Variants in NHERF2 observed in about 807,000 individuals in gnomAD.
The protein encoded by NHERF2 is Na(+)/H(+) exchange regulatory cofactor NHE-RF2.
chr16:2,036,315 G>A, the NHERF2 span: 1 of 1,602,332 alleles, frequency 6.2e-7, no homozygotes, highest in Non-Finnish European at 8.5e-7. Flanking sequence ...CTGTCCGTTG[G>A]GCCTGCAGGA....
At chr16:2,037,067 T>A in the NHERF2 span, 3 of 1,517,586 alleles carry the variant, frequency 2.0e-6, no homozygotes. Flanking sequence ...AGAGGCCCCC[T>A]TCTCCCTGGA....
At chr16:2,030,479 C>T in the NHERF2 span, among the ~76,000 whole-genome samples, 27 of 152,276 alleles carry the variant, frequency 1.8e-4, no homozygotes, top group Admixed American at 5.9e-4. Flanking sequence ...AGTACAGGGG[C>T]GGCCTGCTCC....
At chr16:2,036,773 G>A in the NHERF2 span, 1 of 1,613,394 alleles carries the variant, frequency 6.2e-7, no homozygotes, top group Non-Finnish European at 8.5e-7. Flanking sequence ...TGAGGTGGTG[G>A]CCAGCATCAA....
At chr16:2,037,770 CTG>C in the NHERF2 span, 1 of 1,551,788 alleles carries the variant, frequency 6.4e-7, no homozygotes, top group Non-Finnish European at 8.7e-7. Context: ...GGGCCACCGT[CTG>C]GGGTGTGGGA....
the NHERF2 span, chr16:2,029,922 A>T: frequency 9.5e-6 from 7 of 734,232 alleles, no homozygotes; most frequent in Admixed American, 1.7e-4. Context: ...TGCCCCAGGG[A>T]CCATCTTGTT....
the NHERF2 span, among the ~76,000 whole-genome samples, chr16:2,033,686 A>T: frequency 6.6e-6 from 1 of 152,072 alleles, no homozygotes; most frequent in Non-Finnish European, 1.5e-5. Flanking sequence ...GGCCGCCGGC[A>T]GGGAGGGAGC....
chr16:2,026,956 C>T, the NHERF2 span: 1 of 821,658 alleles, frequency 1.2e-6, no homozygotes, highest in Non-Finnish European at 1.5e-6. Context: ...CCGCCGCCCC[C>T]GAGCTCCCCC....
At chr16:2,033,225 C>A in the NHERF2 span, 1 of 1,503,156 alleles carries the variant, frequency 6.7e-7, no homozygotes, top group Non-Finnish European at 8.9e-7. Context: ...CCCCCACGTC[C>A]CCACCCATCC....
the NHERF2 span, among the ~76,000 whole-genome samples, chr16:2,034,134 G>T: frequency 6.6e-6 from 1 of 152,196 alleles, no homozygotes; most frequent in Non-Finnish European, 1.5e-5. Flanking sequence ...CTGTGCAGGC[G>T]TGGGAAGGGC....
At chr16:2,038,493 C>T in the NHERF2 span, 1 of 380,500 alleles carries the variant, frequency 2.6e-6, no homozygotes, top group Non-Finnish European at 5.0e-6. Context: ...CCATTTCCTC[C>T]CCGCCCCCTC....
At chr16:2,027,872 T>C in the NHERF2 span, among the ~76,000 whole-genome samples, 1 of 152,238 alleles carries the variant, frequency 6.6e-6, no homozygotes, top group Non-Finnish European at 1.5e-5. Context: ...TCCCAGCTGG[T>C]GTGTCTGGGA....
chr16:2,029,357 AG>A, the NHERF2 span, among the ~76,000 whole-genome samples: 1 of 148,078 alleles, frequency 6.8e-6, no homozygotes, highest in Non-Finnish European at 1.5e-5. Context: ...AGCACCCTGA[AG>A]CCCTCACAGC....
chr16:2,036,592 T>C, the NHERF2 span: 16 of 1,519,082 alleles, frequency 1.1e-5, no homozygotes, highest in Non-Finnish European at 1.4e-5. Flanking sequence ...AGGGAGACGC[T>C]GGGAACCTGA....
the NHERF2 span, among the ~76,000 whole-genome samples, chr16:2,030,618 CTTTTTTT>C: frequency 3.0e-5 from 4 of 132,226 alleles, no homozygotes; most frequent in African/African-American, 6.1e-5. Flanking sequence ...TCTCTCCTAC[CTTTTTTT>C]TTTTTTTTTT....
the NHERF2 span, among the ~76,000 whole-genome samples, chr16:2,030,865 C>T: frequency 6.6e-5 from 10 of 151,966 alleles, no homozygotes; most frequent in East Asian, 1.2e-3. Flanking sequence ...CGCTTGAACC[C>T]GGCAGGCGGA....
At chr16:2,036,304 C>G in the NHERF2 span, 1 of 1,593,292 alleles carries the variant, frequency 6.3e-7, no homozygotes, top group East Asian at 2.3e-5. Flanking sequence ...AGAGACTGAC[C>G]CTGTCCGTTG....
the NHERF2 span, chr16:2,038,209 C>T: frequency 8.4e-6 from 5 of 595,370 alleles, no homozygotes; most frequent in Non-Finnish European, 8.9e-6. Flanking sequence ...GAGAGAGAGT[C>T]AGAGACAGAG....
At chr16:2,034,175 T>C in the NHERF2 span, among the ~76,000 whole-genome samples, 4 of 152,134 alleles carry the variant, frequency 2.6e-5, no homozygotes, top group Non-Finnish European at 5.9e-5. Flanking sequence ...GCTGGCCGCA[T>C]GTGTGGGCTG....
At chr16:2,028,769 T>C in the NHERF2 span, among the ~76,000 whole-genome samples, 2 of 152,182 alleles carry the variant, frequency 1.3e-5, no homozygotes, top group Non-Finnish European at 2.9e-5. Flanking sequence ...GGAGTAGGGC[T>C]GCCCCTCTTC....
Sources: gnomAD v4.1 joint callset for allele counts (sites outside exome capture counted in the v4.1 genomes callset) on GRCh38, gnomAD v4.1.1 for gene constraint, MANE v1.5 for transcripts, NCBI Gene and HGNC (gene_info 2026-07-23, HGNC 2026-07-21) for gene names.